The following MTUS1 variants were observed in gnomAD, a reference collection of about 807,000 sequenced individuals.
MTUS1 encodes microtubule-associated tumor suppressor 1.
A neutral mutation model predicts 120.8 loss-of-function variants in MTUS1; 109 were observed. That is an observed-to-expected ratio of 0.90 (90% CI 0.77 to 1.06). MTUS1 has a LOEUF of 1.06. MTUS1 is among the 50% of genes least tolerant of loss of function. MTUS1 has a pLI of 0.00. For synonymous variants in MTUS1, 737 were observed against 550.5 expected (o/e 1.34, Z -4.74); for missense variants, 2,210 against 1,486.3 (o/e 1.49, Z -8.01).
At chr8:17,778,738 G>T (rs141128217) in intron 1 of MTUS1, among the ~76,000 whole-genome samples, 2,134 of 152,274 alleles carry the variant, frequency 0.014, 63 homozygotes, top group African/African-American at 0.05. Context: ...GGGCCCTGGA[G>T]GGGGAGGTTG....
chr8:17,650,989 G>T (rs1187497729), intron 12 of MTUS1, among the ~76,000 whole-genome samples: 2 of 152,324 alleles, frequency 1.3e-5, no homozygotes, highest in East Asian at 3.9e-4. Context: ...GAGAATCCAG[G>T]AAGGGGCCTC....
rs1805356256 is a variant in MTUS1, at chr8:17,644,095, G to A, written c.*1831C>T. On this transcript the variant is annotated 3_prime_UTR_variant, in exon 15 of 15. Coordinates refer to ENST00000693296, the MANE Select transcript of MTUS1 (RefSeq NM_001363059.2). ...AACAACACAAGATTTACCATGCCTA[G>A]GGGATGAATGGCAAACCCAACTTTG... The A allele has an allele frequency of 6.6e-6, 1 of 152,198 alleles. No homozygotes were observed. Among genetic ancestry groups the A allele is most frequent in the Non-Finnish European group, 1.5e-5 (1 of 68,040 alleles). The allele number at this position is 152,198 out of a possible 1,614,324, so 9.4% of individuals were successfully genotyped here. A position where few individuals can be genotyped will look rare whatever the true frequency, so the allele number is the denominator to read the frequency against.
chr8:17,647,503 C>G (rs1326738081), intron 13 of MTUS1, among the ~76,000 whole-genome samples: 1 of 151,994 alleles, frequency 6.6e-6, no homozygotes, highest in Non-Finnish European at 1.5e-5. Context: ...AACTCACAGG[C>G]CAGCAATTCA....
At position 17,655,931 on chromosome 8, in the gene MTUS1, C is replaced by G. The variant is rs181040560; in HGVS notation, c.3040G>C (p.Glu1014Gln). 11 of 1,614,074 alleles carry G rather than the reference C, an allele frequency of 6.8e-6. No homozygotes were observed. In the East Asian group the frequency reaches 2.2e-4, roughly 33 times the overall value. The change falls in exon 9 of 15, where the codon GAG becomes CAG. Residue 1014 changes from glutamate (E) to glutamine (Q), a missense_variant. Glu to Gln is a conservative substitution (Grantham distance 29, BLOSUM62 2). Coordinates refer to ENST00000693296, the MANE Select transcript of MTUS1 (RefSeq NM_001363059.2). Reference protein sequence around the residue: ...ENRLKEFYTREYEKLRDTYIE... With the variant: ...ENRLKEFYTRQYEKLRDTYIE... ...TAAGTGTCCCGAAGCTTTTCATACT[C>G]CCTGGTGTAAAACTCTTTAAGCCGA...
At chr8:17,648,923 G>A (rs1806396858) in intron 13 of MTUS1, among the ~76,000 whole-genome samples, 1 of 152,246 alleles carries the variant, frequency 6.6e-6, no homozygotes, top group Non-Finnish European at 1.5e-5. Flanking sequence ...CTTGGTTAGA[G>A]TCCTGGCTGG....
At chr8:17,659,002 G>A (rs975590277) in intron 8 of MTUS1, among the ~76,000 whole-genome samples, 13 of 151,882 alleles carry the variant, frequency 8.6e-5, no homozygotes, top group East Asian at 1.9e-4. Context: ...ACTATTTCTC[G>A]TTGCCTGGCA....
chr8:17,798,145 A>G (rs75625537), intron 1 of MTUS1, among the ~76,000 whole-genome samples: 3,345 of 152,300 alleles, frequency 0.022, 61 homozygotes, highest in South Asian at 0.036. Context: ...ACAGAATAAC[A>G]GATCTGAAAA....
At chr8:17,736,013 C>T (rs79770391) in intron 3 of MTUS1, among the ~76,000 whole-genome samples, 1,906 of 152,306 alleles carry the variant, frequency 0.013, 36 homozygotes, top group African/African-American at 0.043. Flanking sequence ...CACCCTCCAA[C>T]CAGTAAGCTC....
chr8:17,786,999 G>C (rs1469637211), intron 1 of MTUS1, among the ~76,000 whole-genome samples: 1 of 152,224 alleles, frequency 6.6e-6, no homozygotes, highest in Non-Finnish European at 1.5e-5. Flanking sequence ...TAGTACACTT[G>C]ACAAGCATTG....
intron 6 of MTUS1, among the ~76,000 whole-genome samples, chr8:17,689,900 C>G (rs1029035326): frequency 9.1e-6 from 1 of 109,494 alleles, no homozygotes; most frequent in South Asian, 2.9e-4. Context: ...AACGTAAGAC[C>G]TGAAAAAATA....
chr8:17,724,017 T>C (rs1436253256), intron 3 of MTUS1, 184 bp from the exon 4 acceptor site: 1 of 590,190 alleles, frequency 1.7e-6, no homozygotes, highest in Non-Finnish European at 3.0e-6. Context: ...TTTTGATCAT[T>C]TAGAGGCAAG....
chr8:17,651,420 G>A (rs1027231253), intron 12 of MTUS1, among the ~76,000 whole-genome samples: 29 of 152,002 alleles, frequency 1.9e-4, no homozygotes, highest in African/African-American at 6.8e-4. Flanking sequence ...GCATTACACA[G>A]TCTATGATTG....
chr8:17,691,391 C>G (rs1436648969), intron 6 of MTUS1: 2 of 152,350 alleles, frequency 1.3e-5, no homozygotes, highest in Admixed American at 6.5e-5. Context: ...ATTCATGTCA[C>G]GGCAAAGCTA....
In MTUS1 at chr8:17,646,113, A is replaced by G. The variant is rs1782665676; in HGVS notation, c.3626T>C (p.Leu1209Pro). The G allele has an allele frequency of 1.2e-6, 2 of 1,613,184 alleles. No individual in the cohort carries two copies. Among genetic ancestry groups the G allele is most frequent in the African/African-American group, 2.7e-5 (2 of 74,860 alleles). Reference sequence around the variant, plus strand: ...CGACTCCTTCTCCAGCGACTCTTGCAGAACAGCCTGCTCCGTGGAAAGCTG... The same window carrying G: ...CGACTCCTTCTCCAGCGACTCTTGCGGAACAGCCTGCTCCGTGGAAAGCTG... ...SRQLSTEQAV[L>P]QESLEKESKV... Residue 1209 changes from leucine (L) to proline (P), a missense_variant, in exon 15 of 15, where the codon CTG becomes CCG. By Grantham distance (98) the Leu-to-Pro change is moderately conservative. Coordinates refer to ENST00000693296, the MANE Select transcript of MTUS1 (RefSeq NM_001363059.2).
At position 17,675,231 on chromosome 8, in the gene MTUS1, G is replaced by A. The variant is rs374398513; in HGVS notation, c.2860C>T (p.His954Tyr). ...LSEREEALKQ[H>Y]KTLSQELVNL... ...ACAAGTTCTTGAGATAGGGTTTTGT[G>A]TTGTTTCAGTGCTTCCTCCCGCTGC... The change falls in exon 8 of 15, where the codon CAC becomes TAC. Residue 954 changes from histidine (H) to tyrosine (Y), a missense_variant. His to Tyr is a moderately conservative substitution (Grantham distance 83). Coordinates refer to ENST00000693296, the MANE Select transcript of MTUS1 (RefSeq NM_001363059.2). The A allele has an allele frequency of 6.2e-7, 1 of 1,613,988 alleles. No individual in the cohort carries two copies. Among genetic ancestry groups the A allele is most frequent in the African/African-American group, 1.3e-5 (1 of 74,908 alleles).
chr8:17,736,791 G>C (rs186967852), intron 3 of MTUS1, among the ~76,000 whole-genome samples: 82 of 152,162 alleles, frequency 5.4e-4, no homozygotes, highest in African/African-American at 2.0e-3. Flanking sequence ...CACCATCTTG[G>C]CCAGGCTGGT....
At chr8:17,721,250 C>A (rs1385541186) in intron 4 of MTUS1, among the ~76,000 whole-genome samples, 1 of 152,072 alleles carries the variant, frequency 6.6e-6, no homozygotes, top group Non-Finnish European at 1.5e-5. Context: ...AAATTTTCAG[C>A]GCGAGATGAT....
At chr8:17,687,871 G>C (rs1350410159) in intron 6 of MTUS1, among the ~76,000 whole-genome samples, 18 of 152,200 alleles carry the variant, frequency 1.2e-4, no homozygotes, top group Admixed American at 2.6e-4. Flanking sequence ...TCTTCTTAAA[G>C]AAAGTAGTTG....
chr8:17,657,077 A>AAG (rs1563147203), intron 8 of MTUS1, among the ~76,000 whole-genome samples: 2 of 150,908 alleles, frequency 1.3e-5, no homozygotes, highest in African/African-American at 4.9e-5. Flanking sequence ...AAAAAAAAAA[A>AAG]AAAAGAAACA....
Sources: allele counts gnomAD v4.1 joint callset (sites outside exome capture counted in the v4.1 genomes callset), GRCh38; gene constraint gnomAD v4.1.1; transcripts MANE v1.5; gene names NCBI Gene and HGNC (gene_info 2026-07-23, HGNC 2026-07-21).